TRIM5: variants seen among roughly 807,000 people sequenced by gnomAD.
TRIM5 encodes tripartite motif-containing protein 5.
Under a neutral mutation model 35.6 loss-of-function variants are expected in TRIM5, and 31 were observed. That is an observed-to-expected ratio of 0.87 (90% CI 0.65 to 1.18). The LOEUF (loss-of-function observed/expected upper bound fraction) is 1.18, where lower values mean the gene tolerates loss of function less well. Among genes scored for constraint, TRIM5 ranks in the 50% most tolerant of loss-of-function variants. TRIM5 has a pLI of 0.00. For missense variants in TRIM5, 609 were observed against 591.6 expected, an observed-to-expected ratio of 1.03 and a Z score of -0.31; for synonymous variants, 243 against 215.6, an observed-to-expected ratio of 1.13 and a Z score of -1.11.
intron 1 of TRIM5, among the ~76,000 whole-genome samples, chr11:5,683,362 G>T (rs188075367): frequency 1.3e-5 from 2 of 152,324 alleles, no homozygotes; most frequent in East Asian, 3.9e-4. Context: ...TGAAGCCAGT[G>T]GGGTTCCTGA....
the TRIM5 span, among the ~76,000 whole-genome samples, chr11:5,637,903 T>C: frequency 1.3e-5 from 2 of 152,348 alleles, no homozygotes; most frequent in South Asian, 2.1e-4. Flanking sequence ...TTGGGCTACA[T>C]GGTACTCATT....
chr11:5,602,646 T>G, the TRIM5 span, among the ~76,000 whole-genome samples: 4 of 151,646 alleles, frequency 2.6e-5, no homozygotes, highest in African/African-American at 9.7e-5. Context: ...TGAGGATATG[T>G]TTTGGGTGAG....
the TRIM5 span, chr11:5,604,491 A>G: frequency 2.5e-4 from 390 of 1,589,482 alleles, 5 homozygotes; most frequent in South Asian, 4.2e-3. Context: ...TACTGAGTCA[A>G]CTGAAGGCTT....
At chr11:5,604,164 G>T in the TRIM5 span, among the ~76,000 whole-genome samples, 1 of 145,406 alleles carries the variant, frequency 6.9e-6, no homozygotes, top group Non-Finnish European at 1.6e-5. Context: ...CCAGCTAATT[G>T]TGTGTGTGTG....
chr11:5,597,641 G>C, the TRIM5 span, among the ~76,000 whole-genome samples: 2 of 152,120 alleles, frequency 1.3e-5, no homozygotes, highest in African/African-American at 4.8e-5. Context: ...CTCCCAGCTG[G>C]TGGACGGGCC....
the TRIM5 span, among the ~76,000 whole-genome samples, chr11:5,652,341 TATATG>T: frequency 1.3e-5 from 2 of 152,234 alleles, no homozygotes; most frequent in African/African-American, 4.8e-5. Context: ...TTGACTTTTG[TATATG>T]ATATAAGGAA....
At chr11:5,611,210 C>T in the TRIM5 span, 1 of 1,614,068 alleles carries the variant, frequency 6.2e-7, no homozygotes, top group African/African-American at 1.3e-5. Context: ...GTACTGTCTC[C>T]TTTTATAATG....
At chr11:5,604,614 GAAA>G in the TRIM5 span, 3 of 1,612,922 alleles carry the variant, frequency 1.9e-6, no homozygotes, top group South Asian at 1.1e-5. Flanking sequence ...TCAGAGAGAA[GAAA>G]ACATCCTGGA....
At chr11:5,627,526 G>A in the TRIM5 span, among the ~76,000 whole-genome samples, 1,426 of 152,302 alleles carry the variant, frequency 9.4e-3, 21 homozygotes, top group African/African-American at 0.033. Flanking sequence ...TTCTCACGAA[G>A]TAACAGACAG....
chr11:5,610,159 C>T, the TRIM5 span: 1 of 1,614,050 alleles, frequency 6.2e-7, no homozygotes, highest in Non-Finnish European at 8.5e-7. Context: ...GAGTTCTGGA[C>T]CCTGAGGAAG....
At chr11:5,638,284 T>C in the TRIM5 span, among the ~76,000 whole-genome samples, 2 of 152,190 alleles carry the variant, frequency 1.3e-5, no homozygotes, top group African/African-American at 4.8e-5. Flanking sequence ...ACAGTCAAAA[T>C]ATAGGGAAGA....
chr11:5,592,270 T>C, the TRIM5 span, among the ~76,000 whole-genome samples: 4 of 152,236 alleles, frequency 2.6e-5, no homozygotes, highest in African/African-American at 9.6e-5. Flanking sequence ...TACTTCATTA[T>C]AGTTAATAAT....
chr11:5,629,516 A>G, the TRIM5 span, among the ~76,000 whole-genome samples: 4 of 152,040 alleles, frequency 2.6e-5, no homozygotes, highest in Non-Finnish European at 5.9e-5. Context: ...AACTGACCTC[A>G]GGTTCTGAGA....
At chr11:5,631,062 T>G in the TRIM5 span, among the ~76,000 whole-genome samples, 1 of 152,220 alleles carries the variant, frequency 6.6e-6, no homozygotes, top group Non-Finnish European at 1.5e-5. Flanking sequence ...GCCATCTCCT[T>G]GCTATTTCTA....
At chr11:5,596,848 A>T in the TRIM5 span, 1 of 1,613,484 alleles carries the variant, frequency 6.2e-7, no homozygotes, top group Non-Finnish European at 8.5e-7. Flanking sequence ...AAGAGCTTTG[A>T]CCACCTGATA....
chr11:5,680,293 G>A, intron 1 of TRIM5, 55 bp from the exon 2 acceptor site: 4 of 1,072,116 alleles, frequency 3.7e-6, no homozygotes, highest in South Asian at 2.4e-5. Flanking sequence ...GAAATAGAAA[G>A]GATATTGATT....
chr11:5,667,657 C>T (rs1851245536), intron 5 of TRIM5, 32 bp downstream of exon 5: 1 of 1,611,900 alleles, frequency 6.2e-7, no homozygotes, highest in East Asian at 2.2e-5. Context: ...CCTCACTGCA[C>T]AAAAGGACCA....
chr11:5,602,272 C>T, the TRIM5 span, among the ~76,000 whole-genome samples: 1 of 122,702 alleles, frequency 8.1e-6, no homozygotes, highest in African/African-American at 2.6e-5. Context: ...AACCTCATCT[C>T]TACTAAAAAA....
the TRIM5 span, among the ~76,000 whole-genome samples, chr11:5,653,147 C>T: frequency 3.3e-5 from 5 of 152,174 alleles, no homozygotes; most frequent in Admixed American, 1.3e-4. Flanking sequence ...CCACTGTACC[C>T]GGCCATCTCT....
Sources: allele counts gnomAD v4.1 joint callset (sites outside exome capture counted in the v4.1 genomes callset), GRCh38; gene constraint gnomAD v4.1.1; transcripts MANE v1.5; gene names NCBI Gene and HGNC (gene_info 2026-07-23, HGNC 2026-07-21).